ZBTB20: variants seen among roughly 807,000 people sequenced by gnomAD.
ZBTB20 encodes the protein zinc finger and BTB domain containing 20.
ZBTB20 carries 9 observed loss-of-function variants against 56.9 expected under a neutral mutation model. The ratio of observed to expected loss-of-function variants is 0.16; its 90% confidence interval spans 0.10 to 0.28. The LOEUF is 0.28. Ranked by LOEUF, ZBTB20 falls within the 10% of genes least tolerant of loss-of-function variation. ZBTB20 has a pLI of 1.00. For missense variants in ZBTB20, 655 were observed against 1,003.0 expected, an observed-to-expected ratio of 0.65 and a Z score of 4.69; for synonymous variants, 417 against 420.7, an observed-to-expected ratio of 0.99 and a Z score of 0.11.
chr3:114,401,839 A>G (rs1411454494), intron 7 of ZBTB20, among the ~76,000 whole-genome samples: 2 of 152,178 alleles, frequency 1.3e-5, no homozygotes, highest in Non-Finnish European at 2.9e-5. Context: ...TTGTTTGAGA[A>G]CAAATACAAA....
chr3:114,614,204 A>G (rs1266331336), intron 6 of ZBTB20, among the ~76,000 whole-genome samples: 1 of 152,228 alleles, frequency 6.6e-6, no homozygotes, highest in Non-Finnish European at 1.5e-5. Flanking sequence ...ATGAGAAATG[A>G]TTTAAGGATA....
intron 3 of ZBTB20, among the ~76,000 whole-genome samples, chr3:114,966,083 A>G (rs1381679251): frequency 6.6e-6 from 1 of 152,202 alleles, no homozygotes; most frequent in Non-Finnish European, 1.5e-5. Context: ...TCAGAAAAAG[A>G]CTTTCTACAG....
intron 5 of ZBTB20, among the ~76,000 whole-genome samples, chr3:114,734,986 G>A (rs967538196): frequency 2.7e-5 from 4 of 150,906 alleles, no homozygotes; most frequent in East Asian, 1.9e-4. Flanking sequence ...GGGAGAAAGT[G>A]CCAACTCTAC....
chr3:114,949,601 C>G (rs970599406), intron 3 of ZBTB20, among the ~76,000 whole-genome samples: 4 of 145,452 alleles, frequency 2.8e-5, no homozygotes, highest in Non-Finnish European at 5.9e-5. Context: ...AACCCCATCT[C>G]TACTAAAAAT....
At chr3:114,671,308 C>A (rs1224894704) in intron 6 of ZBTB20, among the ~76,000 whole-genome samples, 1 of 152,048 alleles carries the variant, frequency 6.6e-6, no homozygotes, top group African/African-American at 2.4e-5. Context: ...CCTCAGGGAC[C>A]TTCACTTGCG....
At chr3:114,889,411 C>T (rs983828736) in intron 4 of ZBTB20, among the ~76,000 whole-genome samples, 2 of 152,082 alleles carry the variant, frequency 1.3e-5, no homozygotes, top group Middle Eastern at 3.6e-3. Context: ...ACAAAAGGTT[C>T]TTACAACTCA....
intron 1 of ZBTB20, among the ~76,000 whole-genome samples, chr3:115,092,315 C>G (rs2083228219): frequency 2.6e-5 from 4 of 152,008 alleles, no homozygotes; most frequent in Admixed American, 2.6e-4. Context: ...AACAGGGACA[C>G]AAGGTGGCAC....
intron 7 of ZBTB20, among the ~76,000 whole-genome samples, chr3:114,402,510 A>G (rs1445751543): frequency 1.3e-5 from 2 of 152,182 alleles, no homozygotes; most frequent in Non-Finnish European, 2.9e-5. Flanking sequence ...TCTTTGCTGC[A>G]TGCCATATGG....
At chr3:114,599,927 A>G (rs1381659567) in intron 6 of ZBTB20, among the ~76,000 whole-genome samples, 5 of 151,914 alleles carry the variant, frequency 3.3e-5, no homozygotes, top group Non-Finnish European at 5.9e-5. Flanking sequence ...ATGGGGGGTG[A>G]AGGGGAGTGG....
intron 1 of ZBTB20, among the ~76,000 whole-genome samples, chr3:115,085,966 C>A (rs1240195161): frequency 6.6e-6 from 1 of 151,764 alleles, no homozygotes; most frequent in Non-Finnish European, 1.5e-5. Context: ...TTAAAAGCAC[C>A]TAAATATAAG....
intron 7 of ZBTB20, among the ~76,000 whole-genome samples, chr3:114,417,413 T>C (rs1450092905): frequency 6.6e-6 from 1 of 152,106 alleles, no homozygotes; most frequent in African/African-American, 2.4e-5. Flanking sequence ...TCCACGAAGA[T>C]TCTGTAACCG....
At chr3:115,087,022 G>C (rs780510650) in intron 1 of ZBTB20, among the ~76,000 whole-genome samples, 66 of 151,770 alleles carry the variant, frequency 4.3e-4, no homozygotes, top group Admixed American at 9.2e-4. Context: ...GGTGATACTA[G>C]GGCCAAATAG....
intron 7 of ZBTB20, among the ~76,000 whole-genome samples, chr3:114,423,058 G>A (rs994485316): frequency 2.0e-5 from 3 of 152,062 alleles, no homozygotes; most frequent in Non-Finnish European, 2.9e-5. Context: ...CATAATCAAA[G>A]GGCAACATTT....
At chr3:114,469,147 T>C (rs1432965707) in intron 7 of ZBTB20, among the ~76,000 whole-genome samples, 4 of 152,110 alleles carry the variant, frequency 2.6e-5, no homozygotes, top group Non-Finnish European at 5.9e-5. Flanking sequence ...GCTAGCTAGA[T>C]GCAGCTCATA....
intron 6 of ZBTB20, among the ~76,000 whole-genome samples, chr3:114,539,802 T>C (rs977453039): frequency 6.6e-6 from 1 of 152,064 alleles, no homozygotes; most frequent in Non-Finnish European, 1.5e-5. Flanking sequence ...CATCCATCTT[T>C]GTATCTCTAG....
chr3:114,404,283 C>T (rs1181919242), intron 7 of ZBTB20, among the ~76,000 whole-genome samples: 8 of 152,104 alleles, frequency 5.3e-5, no homozygotes, highest in Non-Finnish European at 2.9e-5. Context: ...CCCACAAGGC[C>T]CTCACCCATG....
chr3:114,925,525 G>C (rs555335608), intron 3 of ZBTB20, among the ~76,000 whole-genome samples: 3 of 151,872 alleles, frequency 2.0e-5, no homozygotes, highest in African/African-American at 7.2e-5. Context: ...TTGGTTGTTT[G>C]TTTTTGTTTT....
intron 2 of ZBTB20, among the ~76,000 whole-genome samples, chr3:115,000,044 TAA>T (rs374788531): frequency 2.7e-5 from 4 of 149,106 alleles, no homozygotes; most frequent in Non-Finnish European, 6.0e-5. Context: ...GACTTTCATT[TAA>T]AAAAAAAATA....
chr3:114,402,352 A>G (rs147029694), intron 7 of ZBTB20, among the ~76,000 whole-genome samples: 66 of 152,312 alleles, frequency 4.3e-4, no homozygotes, highest in African/African-American at 1.5e-3. Flanking sequence ...ACAAAGGAGT[A>G]TTGAATTGAA....
Sources: gnomAD v4.1 joint callset for allele counts (sites outside exome capture counted in the v4.1 genomes callset) on GRCh38, gnomAD v4.1.1 for gene constraint, MANE v1.5 for transcripts, NCBI Gene and HGNC (gene_info 2026-07-23, HGNC 2026-07-21) for gene names.